Variants in BBS2 observed in about 807,000 individuals in gnomAD.
BBS2 encodes the protein BBSome complex member BBS2.
Under a neutral mutation model 83.0 loss-of-function variants are expected in BBS2, and 62 were observed. The observed-to-expected ratio is 0.75, with a 90% CI of 0.61 to 0.92. The LOEUF (loss-of-function observed/expected upper bound fraction) is 0.92, where lower values mean the gene tolerates loss of function less well. Among genes scored for constraint, BBS2 ranks in the 40% least tolerant of loss-of-function variants. The pLI, the probability that BBS2 is intolerant of heterozygous loss-of-function variation, is 0.00. For missense variants in BBS2, 784 were observed against 901.0 expected (o/e 0.87, Z 1.66); for synonymous variants, 303 against 326.1 (o/e 0.93, Z 0.76).
chr16:56,504,902 A>G (rs1964381588), intron 7 of BBS2, among the ~76,000 whole-genome samples: 1 of 152,222 alleles, frequency 6.6e-6, no homozygotes, highest in African/African-American at 2.4e-5. Context: ...TGATTAGGTC[A>G]TAAGGGCAGA....
intron 5 of BBS2, among the ~76,000 whole-genome samples, chr16:56,509,200 T>C (rs912629010): frequency 2.6e-4 from 40 of 152,118 alleles, no homozygotes; most frequent in African/African-American, 9.7e-4. Context: ...CAAGACTACG[T>C]ACAAGTAACT....
downstream of BBS2, among the ~76,000 whole-genome samples, chr16:56,483,127 G>A (rs1310369913): frequency 6.6e-6 from 1 of 152,112 alleles, no homozygotes; most frequent in Non-Finnish European, 1.5e-5. Flanking sequence ...ATAGCCTGTT[G>A]TTCCCAGCCT....
intron 15 of BBS2, among the ~76,000 whole-genome samples, chr16:56,491,725 C>CAA (rs773397021): frequency 0.014 from 617 of 42,982 alleles, 5 homozygotes; most frequent in Non-Finnish European, 0.021. Flanking sequence ...AACTCAACAG[C>CAA]AAAAAAAAAA....
chr16:56,507,936 C>T (rs2144169707), intron 5 of BBS2, among the ~76,000 whole-genome samples: 1 of 152,140 alleles, frequency 6.6e-6, no homozygotes, highest in South Asian at 2.1e-4. Flanking sequence ...CCACTGCACT[C>T]CAGCATGGGC....
At chr16:56,471,292 G>T (rs1343980586) in intron 17 of BBS2, among the ~76,000 whole-genome samples, 2 of 151,742 alleles carry the variant, frequency 1.3e-5, no homozygotes, top group Non-Finnish European at 2.9e-5. Context: ...AACCGGGGAG[G>T]AGGAGGTTGC....
chr16:56,496,060 G>A (rs1268773870), intron 15 of BBS2, among the ~76,000 whole-genome samples: 2 of 152,000 alleles, frequency 1.3e-5, no homozygotes, highest in South Asian at 4.1e-4. Flanking sequence ...ATTTACCTCT[G>A]AGCAAAACCA....
intron 14 of BBS2, 128 bp from the exon 15 acceptor site, chr16:56,497,207 C>A (rs1964139906): frequency 2.7e-6 from 2 of 737,868 alleles, no homozygotes; most frequent in Non-Finnish European, 2.5e-6. Flanking sequence ...ACCAATTAAG[C>A]TACTTCCCGT....
intron 5 of BBS2, among the ~76,000 whole-genome samples, chr16:56,508,161 G>A (rs1214121722): frequency 2.0e-5 from 3 of 152,144 alleles, no homozygotes; most frequent in Non-Finnish European, 4.4e-5. Flanking sequence ...GGATAACTTA[G>A]TTAAAATCAT....
chr16:56,502,209 G>A, intron 9 of BBS2, 108 bp downstream of exon 9: 1 of 1,471,478 alleles, frequency 6.8e-7, no homozygotes. Context: ...ATGGCAAAAA[G>A]GCCACACCCT....
downstream of BBS2, among the ~76,000 whole-genome samples, chr16:56,483,844 T>A (rs1250323868): frequency 2.6e-4 from 39 of 151,190 alleles, no homozygotes; most frequent in Non-Finnish European, 5.0e-4. Flanking sequence ...GGATTGTAGG[T>A]GTCCACCACC....
Position 56,506,199 on chromosome 16 carries a change from T to C in BBS2, c.638A>G (p.Tyr213Cys), listed in dbSNP as rs775541027. ...AAGGGCATAACCAAATCGACTGCCA[T>C]ACATGGGACAAAGAGAGGTGACTAT... ...TEIVTSLCPM[Y>C]GSRFGYALSN... is the part of the protein sequence containing the mutation. The change falls in exon 6 of 17, where the codon TAT (tyrosine) becomes TGT (cysteine). Residue 213 changes from tyrosine (Y) to cysteine (C), a missense_variant. Tyr to Cys is a radical substitution (Grantham distance 194). Transcript: ENST00000245157. 1.2e-6 allele frequency: 2 copies of C among 1,613,916 alleles called. No individual in the cohort carries two copies. The highest frequency in any genetic ancestry group is 1.1e-5 in the South Asian group (1 of 91,082).
At chr16:56,491,725 CAAAAAAAAAA>C (rs773397021) in intron 15 of BBS2, among the ~76,000 whole-genome samples, 1 of 43,228 alleles carries the variant, frequency 2.3e-5, no homozygotes, top group Non-Finnish European at 4.6e-5. Flanking sequence ...AACTCAACAG[CAAAAAAAAAA>C]AAAAAAAAAA....
At chr16:56,513,991 G>A (rs1964655317) in intron 2 of BBS2, among the ~76,000 whole-genome samples, 9 of 152,126 alleles carry the variant, frequency 5.9e-5, no homozygotes, top group Admixed American at 5.9e-4. Flanking sequence ...CTTTCTAGAT[G>A]AAAAAATAGG....
At chr16:56,510,143 A>G (rs1274931310) in intron 4 of BBS2, 109 bp from the exon 5 acceptor site, 2 of 886,946 alleles carry the variant, frequency 2.3e-6, no homozygotes, top group African/African-American at 3.3e-5. Context: ...CTGCCACCCA[A>G]GATTGACAAC....
intron 15 of BBS2, among the ~76,000 whole-genome samples, chr16:56,488,379 G>C (rs1393505930): frequency 1.3e-5 from 2 of 149,920 alleles, no homozygotes; most frequent in African/African-American, 5.0e-5. Flanking sequence ...TGACTGATCT[G>C]CTTCAAGTTA....
intron 1 of BBS2, 88 bp from the exon 2 acceptor site, chr16:56,514,768 C>T: frequency 3.1e-6 from 3 of 974,396 alleles, no homozygotes; most frequent in Non-Finnish European, 4.7e-6. Flanking sequence ...GTTATTAACA[C>T]ATCCACATTA....
intron 15 of BBS2, among the ~76,000 whole-genome samples, chr16:56,493,456 C>T (rs752290011): frequency 1.4e-5 from 2 of 140,364 alleles, no homozygotes; most frequent in Non-Finnish European, 3.0e-5. Flanking sequence ...TAATCTAAGA[C>T]ATGAAGAGGG....
At chr16:56,513,515 A>G (rs1391587889) in intron 2 of BBS2, among the ~76,000 whole-genome samples, 1 of 152,234 alleles carries the variant, frequency 6.6e-6, no homozygotes, top group African/African-American at 2.4e-5. Flanking sequence ...ATTCAGCCAT[A>G]AAAGTGAATT....
chr16:56,500,786 G>C lies in BBS2; in HGVS notation c.1397+68C>G. The stretch of plus-strand genomic sequence containing the variant: ...CCCCCAAGAATCCACTGGGCATATG[G>C]AAAATTTATACATCTTGCCCTCCTC... On this transcript the variant is annotated intron_variant, in intron 11 of 16. Transcript: ENST00000245157. The C allele has an allele frequency of 3.9e-6, 6 of 1,557,242 alleles. No homozygotes were observed. The South Asian group carries it at 5.6e-5, about 15-fold the overall frequency.
Sources: allele counts gnomAD v4.1 joint callset (sites outside exome capture counted in the v4.1 genomes callset), GRCh38; gene constraint gnomAD v4.1.1; transcripts MANE v1.5; gene names NCBI Gene and HGNC (gene_info 2026-07-23, HGNC 2026-07-21).